Variants in UNC5D observed in about 807,000 individuals in gnomAD.
UNC5D encodes unc-5 netrin receptor D.
Under a neutral mutation model 105.4 loss-of-function variants are expected in UNC5D, and 39 were observed. That is an observed-to-expected ratio of 0.37 (90% CI 0.29 to 0.48). The LOEUF is 0.48. Ranked by LOEUF, UNC5D falls within the 20% of genes least tolerant of loss-of-function variation. UNC5D has a pLI of 0.98. For missense variants in UNC5D, 991 were observed against 1,202.4 expected, an observed-to-expected ratio of 0.82 and a Z score of 2.60; for synonymous variants, 452 against 450.4, an observed-to-expected ratio of 1.00 and a Z score of -0.04.
intron 2 of UNC5D, among the ~76,000 whole-genome samples, chr8:35,557,180 C>G (rs1486951891): frequency 6.6e-6 from 1 of 152,192 alleles, no homozygotes; most frequent in East Asian, 1.9e-4. Flanking sequence ...TTGCTATTGT[C>G]AGACAACACT....
At chr8:35,594,519 T>G (rs2130897269) in intron 3 of UNC5D, among the ~76,000 whole-genome samples, 1 of 152,250 alleles carries the variant, frequency 6.6e-6, no homozygotes, top group Admixed American at 6.5e-5. Context: ...GGCAAAATCT[T>G]TTACATTGAG....
chr8:35,794,435 C>T lies in UNC5D; in HGVS notation c.*3872C>T, dbSNP rs1803178677. On this transcript the variant is annotated 3_prime_UTR_variant, in exon 17 of 17. Transcript: ENST00000404895. ...TCATTGACTGGATTAGAGGTGATGG[C>T]CACAGCAAATGGGAGAGCAAAATGT... The T allele has an allele frequency of 6.6e-6, 1 of 152,384 alleles. No homozygotes were observed. Among genetic ancestry groups the T allele is most frequent in the Non-Finnish European group, 1.5e-5 (1 of 68,040 alleles). 9.4% of individuals were successfully genotyped at this position (152,384 alleles called of 1,614,324 possible). A position where few individuals can be genotyped will look rare whatever the true frequency, so the allele number is the denominator to read the frequency against.
intron 1 of UNC5D, among the ~76,000 whole-genome samples, chr8:35,333,634 C>T (rs564785099): frequency 3.3e-5 from 5 of 152,030 alleles, no homozygotes; most frequent in Non-Finnish European, 7.4e-5. Context: ...CACTTTCCCC[C>T]ACGCCCGGCT....
chr8:35,275,157 A>G (rs1805689556), intron 1 of UNC5D, among the ~76,000 whole-genome samples: 1 of 151,154 alleles, frequency 6.6e-6, no homozygotes, highest in African/African-American at 2.4e-5. Context: ...TGAAAACATA[A>G]TGAAATAAGA....
intron 7 of UNC5D, among the ~76,000 whole-genome samples, chr8:35,700,046 A>G (rs190294157): frequency 2.3e-4 from 35 of 152,334 alleles, no homozygotes; most frequent in African/African-American, 4.8e-4. Context: ...TCTCCCTGAC[A>G]TATTCCGGCA....
rs1447353768 is a variant in UNC5D at position 35,470,792 on chromosome 8, AAATAAATAAATAAAT to A, written c.104-78497_104-78483del. Among the ~76,000 whole-genome samples the A allele has an allele frequency of 9.6e-3, 345 of 35,890 alleles. 1 individual carries two copies. The highest frequency in any genetic ancestry group is 0.017 in the African/African-American group (220 of 12,912). 23.5% of individuals were successfully genotyped at this position (35,890 alleles called of 152,430 possible). A position where few individuals can be genotyped will look rare whatever the true frequency, so the allele number is the denominator to read the frequency against. On this transcript the variant is annotated intron_variant, in intron 1 of 16. Transcript: ENST00000404895. ...AAAATAAATAAATAAATAAATAAATAAATAAATAAATAAATAAATAAAATAAAAAGAATGAGCAGA... is the reference window on the plus strand; with the variant it reads ...AAAATAAATAAATAAATAAATAAATAAAATAAAATAAAAAGAATGAGCAGA...
chr8:35,449,486 G>T (rs1808008361), intron 1 of UNC5D, among the ~76,000 whole-genome samples: 1 of 152,074 alleles, frequency 6.6e-6, no homozygotes, highest in Non-Finnish European at 1.5e-5. Flanking sequence ...ATCTTTTATA[G>T]TGCTTTGGGG....
chr8:35,252,085 G>A (rs886384945), intron 1 of UNC5D, among the ~76,000 whole-genome samples: 2 of 145,624 alleles, frequency 1.4e-5, no homozygotes, highest in Non-Finnish European at 3.0e-5. Context: ...GCAGTGGCGC[G>A]ATCCCGACTC....
intron 1 of UNC5D, among the ~76,000 whole-genome samples, chr8:35,478,297 T>C (rs188582405): frequency 6.6e-6 from 1 of 152,298 alleles, no homozygotes; most frequent in East Asian, 1.9e-4. Flanking sequence ...GATGATGACA[T>C]TGTTCTTTCA....
chr8:35,677,906 G>A (rs13252504), intron 4 of UNC5D, among the ~76,000 whole-genome samples: 5,295 of 146,300 alleles, frequency 0.036, 183 homozygotes, highest in Admixed American at 0.11. Flanking sequence ...GTGTGTGTGT[G>A]TATGTGTGTG....
intron 4 of UNC5D, among the ~76,000 whole-genome samples, chr8:35,659,213 T>C (rs1823969062): frequency 6.6e-6 from 1 of 152,110 alleles, no homozygotes; most frequent in South Asian, 2.1e-4. Flanking sequence ...TGTAATGAGA[T>C]TGTATATTAA....
intron 4 of UNC5D, among the ~76,000 whole-genome samples, chr8:35,666,759 CTG>C (rs1249053901): frequency 2.6e-5 from 4 of 152,058 alleles, no homozygotes; most frequent in Non-Finnish European, 5.9e-5. Flanking sequence ...AAGAAATAAA[CTG>C]AAATGAAAAC....
intron 1 of UNC5D, among the ~76,000 whole-genome samples, chr8:35,264,328 A>G (rs998639061): frequency 3.3e-5 from 5 of 152,028 alleles, no homozygotes; most frequent in Non-Finnish European, 4.4e-5. Context: ...GCAGGAGCAA[A>G]ACGCCTTTTC....
chr8:35,693,257 A>G (rs552436010), intron 7 of UNC5D, among the ~76,000 whole-genome samples: 1 of 152,318 alleles, frequency 6.6e-6, no homozygotes, highest in East Asian at 1.9e-4. Flanking sequence ...ACTTGCACTC[A>G]AGTGCCATAT....
chr8:35,746,251 A>G (rs540411267), intron 11 of UNC5D, among the ~76,000 whole-genome samples: 1 of 152,304 alleles, frequency 6.6e-6, no homozygotes, highest in East Asian at 1.9e-4. Context: ...CTGTGACCTT[A>G]TGCTGTTAAC....
rs1212115983 is a variant in UNC5D at position 35,683,403 on chromosome 8, G to T, written c.571-144G>T. The T allele has an allele frequency of 6.3e-6, 5 of 798,192 alleles. No homozygotes were observed. The African/African-American group carries it at 9.2e-5, about 15-fold the overall frequency. 49.4% of individuals were successfully genotyped at this position (798,192 alleles called of 1,614,324 possible). Reference sequence around the variant, plus strand: ...CAAATTTACCAAATAAAAGGGACAGGATATGGAATAAAGAAACCAATCATT... The same window carrying T: ...CAAATTTACCAAATAAAAGGGACAGTATATGGAATAAAGAAACCAATCATT... On this transcript the variant is annotated intron_variant, in intron 4 of 16. Transcript: ENST00000404895.
intron 1 of UNC5D, among the ~76,000 whole-genome samples, chr8:35,237,419 AT>A (rs1231423855): frequency 4.6e-5 from 7 of 152,150 alleles, no homozygotes; most frequent in African/African-American, 1.7e-4. Context: ...TCTTTTCTAA[AT>A]GTTAATCTAA....
chr8:35,395,695 A>C (rs1448963911), intron 1 of UNC5D, among the ~76,000 whole-genome samples: 1 of 152,162 alleles, frequency 6.6e-6, no homozygotes, highest in Non-Finnish European at 1.5e-5. Flanking sequence ...ATACATAGAC[A>C]ACAGCTAACA....
In UNC5D at chr8:35,454,654, CTTTG is replaced by C. The variant is rs549770006; in HGVS notation, c.104-94634_104-94631del. Among the ~76,000 whole-genome samples, 5 of 152,206 alleles carry C rather than the reference CTTTG, an allele frequency of 3.3e-5. 1 individual carries two copies. The South Asian group carries it at 8.3e-4, about 25-fold the overall frequency. On this transcript the variant is annotated intron_variant, in intron 1 of 16. Coordinates refer to ENST00000404895, the MANE Select transcript of UNC5D (RefSeq NM_080872.4). ...TCCCTACAAGCCCACACTCTTTTTCCTTTGTTTAATTCCTTCCCCACAATTTATT... is the reference window on the plus strand; with the variant it reads ...TCCCTACAAGCCCACACTCTTTTTCCTTTAATTCCTTCCCCACAATTTATT...
Sources: allele counts gnomAD v4.1 joint callset (sites outside exome capture counted in the v4.1 genomes callset), GRCh38; gene constraint gnomAD v4.1.1; transcripts MANE v1.5; gene names NCBI Gene and HGNC (gene_info 2026-07-23, HGNC 2026-07-21).